The following KCNJ6 variants were observed in gnomAD, a reference collection of about 807,000 sequenced individuals.
KCNJ6 encodes G protein-activated inward rectifier potassium channel 2.
KCNJ6 carries 9 observed loss-of-function variants against 34.2 expected under a neutral mutation model. That is an observed-to-expected ratio of 0.26 (90% CI 0.16 to 0.46). The LOEUF is 0.46. Ranked by LOEUF, KCNJ6 falls within the 20% of genes least tolerant of loss-of-function variation. The pLI, the probability that KCNJ6 is intolerant of heterozygous loss-of-function variation, is 1.00. For missense variants in KCNJ6, 236 were observed against 531.3 expected (o/e 0.44, Z 5.46); for synonymous variants, 196 against 207.1 (o/e 0.95, Z 0.46).
chr21:37,845,069 C>T (rs143040792), intron 1 of KCNJ6, among the ~76,000 whole-genome samples: 10 of 152,222 alleles, frequency 6.6e-5, no homozygotes, highest in Non-Finnish European at 1.0e-4. Flanking sequence ...TTTTCTGCCC[C>T]GTCCCCCATC....
Position 37,608,928 on chromosome 21 carries a change from G to A in KCNJ6, c.*16231C>T, listed in dbSNP as rs1210469592. 4 of 152,212 alleles carry A rather than the reference G, an allele frequency of 2.6e-5. No individual in the cohort carries two copies. Among genetic ancestry groups the A allele is most frequent in the Non-Finnish European group, 5.9e-5 (4 of 68,046 alleles). The allele number at this position is 152,212 out of a possible 1,614,324, so 9.4% of individuals were successfully genotyped here. Reference sequence around the variant, plus strand: ...CATCAGCTAACTTTCAGAATATTTTGAGTGGAGTTTTGTCCTTGTCTAGTT... The same window carrying A: ...CATCAGCTAACTTTCAGAATATTTTAAGTGGAGTTTTGTCCTTGTCTAGTT... On this transcript the variant is annotated 3_prime_UTR_variant, in exon 4 of 4. Transcript: ENST00000609713.
At chr21:37,884,318 T>C (rs1260241144) in intron 1 of KCNJ6, among the ~76,000 whole-genome samples, 1 of 152,146 alleles carries the variant, frequency 6.6e-6, no homozygotes, top group African/African-American at 2.4e-5. Flanking sequence ...ACCTTGTTCC[T>C]CTCAAGTTCA....
At chr21:37,758,952 G>A (rs961642097) in intron 2 of KCNJ6, among the ~76,000 whole-genome samples, 7 of 152,154 alleles carry the variant, frequency 4.6e-5, no homozygotes, top group East Asian at 1.9e-4. Flanking sequence ...TTTTACAGGC[G>A]AGGAAACTGA....
At position 37,609,465 on chromosome 21, in the gene KCNJ6, C is replaced by G. The variant is rs1249161804; in HGVS notation, c.*15694G>C. On this transcript the variant is annotated 3_prime_UTR_variant, in exon 4 of 4. Transcript: ENST00000609713. ...ACTAATAGCTTTCTGGAATAATTTT[C>G]TATCCTAAGAAATAGCTCACAGAAC... 1 of 152,196 alleles carries G rather than the reference C, an allele frequency of 6.6e-6. No homozygotes were observed. Among genetic ancestry groups the G allele is most frequent in the Non-Finnish European group, 1.5e-5 (1 of 68,038 alleles). The allele number at this position is 152,196 out of a possible 1,614,324, so 9.4% of individuals were successfully genotyped here. A position where few individuals can be genotyped will look rare whatever the true frequency, so the allele number is the denominator to read the frequency against.
chr21:37,667,604 A>C (rs2054521948), intron 3 of KCNJ6, among the ~76,000 whole-genome samples: 1 of 145,456 alleles, frequency 6.9e-6, no homozygotes, highest in Non-Finnish European at 1.5e-5. Flanking sequence ...GAGCCAGGGT[A>C]GCGGGGTCTG....
At chr21:37,869,097 A>G (rs1317914396) in intron 1 of KCNJ6, among the ~76,000 whole-genome samples, 2 of 152,216 alleles carry the variant, frequency 1.3e-5, no homozygotes, top group Non-Finnish European at 2.9e-5. Context: ...TTTAGGGATG[A>G]TCGAAGCAGG....
intron 2 of KCNJ6, among the ~76,000 whole-genome samples, chr21:37,814,617 G>A (rs1433771744): frequency 2.6e-5 from 4 of 152,106 alleles, no homozygotes; most frequent in Non-Finnish European, 5.9e-5. Flanking sequence ...GAATGAGATC[G>A]GCCAAGCGTG....
intron 1 of KCNJ6, among the ~76,000 whole-genome samples, chr21:37,893,028 G>C (rs1046149230): frequency 6.6e-6 from 1 of 150,540 alleles, no homozygotes; most frequent in Non-Finnish European, 1.5e-5. Flanking sequence ...AATTTTTTTT[G>C]TATTTTTAGT....
chr21:37,789,631 G>A (rs1339248215), intron 2 of KCNJ6, among the ~76,000 whole-genome samples: 1 of 152,190 alleles, frequency 6.6e-6, no homozygotes, highest in Non-Finnish European at 1.5e-5. Flanking sequence ...ACTTGTTAAG[G>A]TTAGCATAGA....
chr21:37,687,786 G>A (rs1045188847), intron 3 of KCNJ6, among the ~76,000 whole-genome samples: 3 of 152,116 alleles, frequency 2.0e-5, no homozygotes, highest in Admixed American at 6.5e-5. Context: ...TTCCAGCATC[G>A]GTCTTAGATG....
rs1300514043 is a variant in KCNJ6 at position 37,614,798 on chromosome 21, GTC to G, written c.*10359_*10360del. ...TGTGTATGTGTGTGTGTATGCATGT[GTC>G]TGTGTGTGTATTTGTGTGTATGTGT... On this transcript the variant is annotated 3_prime_UTR_variant, in exon 4 of 4. Transcript: ENST00000609713. 2.8e-5 allele frequency: 4 copies of G among 141,060 alleles called. No individual in the cohort carries two copies. Among genetic ancestry groups the G allele is most frequent in the African/African-American group, 1.1e-4 (4 of 37,928 alleles). 8.7% of individuals were successfully genotyped at this position (141,060 alleles called of 1,614,324 possible). A position where few individuals can be genotyped will look rare whatever the true frequency, so the allele number is the denominator to read the frequency against.
At chr21:37,875,496 G>A (rs2055673580) in intron 1 of KCNJ6, among the ~76,000 whole-genome samples, 1 of 152,170 alleles carries the variant, frequency 6.6e-6, no homozygotes, top group Admixed American at 6.5e-5. Flanking sequence ...CTGGGGGCCA[G>A]GTCACAGGAG....
At chr21:37,651,202 G>C (rs975911533) in intron 3 of KCNJ6, among the ~76,000 whole-genome samples, 7 of 152,362 alleles carry the variant, frequency 4.6e-5, no homozygotes, top group African/African-American at 1.7e-4. Flanking sequence ...GGGGTGGACA[G>C]AGAAGGGTAT....
chr21:37,901,621 C>T (rs1036793495), intron 1 of KCNJ6, among the ~76,000 whole-genome samples: 7 of 152,182 alleles, frequency 4.6e-5, no homozygotes, highest in African/African-American at 1.4e-4. Context: ...AATAAACAGA[C>T]GTTCAAGTTA....
chr21:37,899,238 T>C (rs1449317405), intron 1 of KCNJ6, among the ~76,000 whole-genome samples: 1 of 152,232 alleles, frequency 6.6e-6, no homozygotes, highest in Non-Finnish European at 1.5e-5. Context: ...GTCTTTTGTG[T>C]ATAATCTCGG....
intron 3 of KCNJ6, among the ~76,000 whole-genome samples, chr21:37,642,612 A>G (rs2054386077): frequency 6.6e-6 from 1 of 151,398 alleles, no homozygotes; most frequent in Non-Finnish European, 1.5e-5. Flanking sequence ...AAGATAGGGG[A>G]GAAGGCAAAA....
At chr21:37,679,326 T>C (rs1485223784) in intron 3 of KCNJ6, among the ~76,000 whole-genome samples, 1 of 152,196 alleles carries the variant, frequency 6.6e-6, no homozygotes, top group African/African-American at 2.4e-5. Context: ...TGGGGTAAAT[T>C]GTACAGCAAG....
intron 1 of KCNJ6, among the ~76,000 whole-genome samples, chr21:37,885,973 G>A (rs1340110593): frequency 6.6e-6 from 1 of 151,988 alleles, no homozygotes; most frequent in African/African-American, 2.4e-5. Context: ...GCATCACCAG[G>A]CTCATGAATT....
chr21:37,761,171 T>G (rs1002116429), intron 2 of KCNJ6, among the ~76,000 whole-genome samples: 2 of 144,278 alleles, frequency 1.4e-5, no homozygotes, highest in African/African-American at 5.8e-5. Flanking sequence ...TGTATGTGTG[T>G]TGTGTGTGCA....
Sources: allele counts gnomAD v4.1 joint callset (sites outside exome capture counted in the v4.1 genomes callset), GRCh38; gene constraint gnomAD v4.1.1; transcripts MANE v1.5; gene names NCBI Gene and HGNC (gene_info 2026-07-23, HGNC 2026-07-21).